Variants in BRCA2 observed in about 807,000 individuals in gnomAD.
BRCA2 encodes breast cancer type 2 susceptibility protein.
A neutral mutation model predicts 276.7 loss-of-function variants in BRCA2; 203 were observed. That is an observed-to-expected ratio of 0.73 (90% CI 0.65 to 0.82). The LOEUF is 0.82. Among genes scored for constraint, BRCA2 ranks in the 40% least tolerant of loss-of-function variants. The pLI is 0.00. For missense variants in BRCA2, 3,920 were observed against 3,915.0 expected (o/e 1.00, Z -0.03); for synonymous variants, 1,289 against 1,338.4 (o/e 0.96, Z 0.81).
In BRCA2 at chr13:32,336,946, A is replaced by T. The variant is rs876659547; in HGVS notation, c.2591A>T (p.Gln864Leu). 1.9e-6 allele frequency: 3 copies of T among 1,588,782 alleles called. No individual in the cohort carries two copies. Among genetic ancestry groups the T allele is most frequent in the Non-Finnish European group, 2.6e-6 (3 of 1,173,730 alleles). The change falls in exon 11 of 27, where the codon CAA becomes CTA. Residue 864 changes from glutamine (Q) to leucine (L), a missense_variant. By Grantham distance (113) the Gln-to-Leu change is moderately radical (BLOSUM62 -2). Coordinates refer to ENST00000380152, the MANE Select transcript of BRCA2 (RefSeq NM_000059.4). Reference sequence around the variant, plus strand: ...AATCTAAGAGTAATCCAAAAAAATCAAGAAGAAACTACTTCAATTTCAAAA... The same window carrying T: ...AATCTAAGAGTAATCCAAAAAAATCTAGAAGAAACTACTTCAATTTCAAAA... ...NTNLRVIQKN[Q>L]EETTSISKIT...
intron 7 of BRCA2, 88 bp from the exon 8 acceptor site, chr13:32,329,355 T>C: frequency 1.2e-6 from 1 of 860,186 alleles, no homozygotes; most frequent in Admixed American, 2.2e-5. Flanking sequence ...TGTAATCAAA[T>C]AGTAGATGTG....
Position 32,335,965 on chromosome 13 carries a change from T to C in BRCA2, c.1910-300T>C, listed in dbSNP as rs78579727. On this transcript the variant is annotated intron_variant, in intron 10 of 26. Transcript: ENST00000380152. ...AGTGTGATCTCAGCTCACCGTAGCC[T>C]CACCCTCCTGGGCTCAAGCAGTCCT... Among the ~76,000 whole-genome samples the C allele has an allele frequency of 6.0e-3, 908 of 152,276 alleles. 9 individuals are homozygous for C. The highest frequency in any genetic ancestry group is 0.021 in the African/African-American group (877 of 41,530).
Position 32,338,043 on chromosome 13 carries a change from T to C in BRCA2, c.3688T>C (p.Ser1230Pro), listed in dbSNP as rs876659979. Residue 1230 changes from serine to proline, a missense_variant, in exon 11 of 27, where the codon TCT (serine) becomes CCT (proline). By Grantham distance (74) the Ser-to-Pro change is moderately conservative (BLOSUM62 -1). Coordinates refer to ENST00000380152, the MANE Select transcript of BRCA2 (RefSeq NM_000059.4). The stretch of plus-strand genomic sequence containing the variant: ...TGCTCATGGCACAAAACTGAATGTT[T>C]CTACTGAAGCTCTGCAAAAAGCTGT... ...YSAHGTKLNV[S>P]TEALQKAVKL... The C allele has an allele frequency of 6.2e-7, 1 of 1,611,938 alleles. No individual in the cohort carries two copies. Among genetic ancestry groups the C allele is most frequent in the Non-Finnish European group, 8.5e-7 (1 of 1,178,968 alleles).
Position 32,332,195 on chromosome 13 carries a change from A to G in BRCA2, c.794-77A>G, listed in dbSNP as rs904905240. ...AGCACATTCTACATAAACTGTTTCT[A>G]TGAGAAAGGTTGTGAGAATAATATA... On this transcript the variant is annotated intron_variant, in intron 9 of 26. Coordinates refer to ENST00000380152, the MANE Select transcript of BRCA2 (RefSeq NM_000059.4). 3.7e-6 allele frequency: 5 copies of G among 1,346,352 alleles called. No individual in the cohort carries two copies. In the Admixed American group the frequency reaches 6.8e-5, roughly 18 times the overall value. The allele number at this position is 1,346,352 out of a possible 1,614,324, so 83.4% of individuals were successfully genotyped here.
At chr13:32,387,377 G>T (rs2072967726) in intron 24 of BRCA2, among the ~76,000 whole-genome samples, 1 of 152,180 alleles carries the variant, frequency 6.6e-6, no homozygotes, top group African/African-American at 2.4e-5. Flanking sequence ...AGGGTGAGGT[G>T]CTGAAGGGAC....
Position 32,368,866 on chromosome 13 carries a change from A to G in BRCA2, c.8332-1536A>G, listed in dbSNP as rs1593929094. ...TGCTCTGTTGCCCAGGCTAGAGTGC[A>G]GTGGTGCGATCTCGGCTCACTGCAA... On this transcript the variant is annotated intron_variant, in intron 18 of 26. Coordinates refer to ENST00000380152, the MANE Select transcript of BRCA2 (RefSeq NM_000059.4). Among the ~76,000 whole-genome samples, 3 of 149,116 alleles carry G rather than the reference A, an allele frequency of 2.0e-5. No individual in the cohort carries two copies. The East Asian group carries it at 6.0e-4, about 30-fold the overall frequency.
intron 18 of BRCA2, among the ~76,000 whole-genome samples, chr13:32,369,926 A>C (rs2072815821): frequency 6.6e-6 from 1 of 152,224 alleles, no homozygotes; most frequent in Non-Finnish European, 1.5e-5. Context: ...CAGGTACCTT[A>C]GTAAGTGTTC....
At chr13:32,351,121 G>A (rs1235229629) in intron 13 of BRCA2, among the ~76,000 whole-genome samples, 2 of 152,204 alleles carry the variant, frequency 1.3e-5, no homozygotes, top group Non-Finnish European at 2.9e-5. Context: ...GCAGCCGCTC[G>A]GCTCCACTTC....
At position 32,316,451 on chromosome 13, in the gene BRCA2, G is replaced by C. The variant is rs754814638; in HGVS notation, c.-10G>C. The stretch of plus-strand genomic sequence containing the variant: ...ATTTACCAAGCATTGGAGGAATATC[G>C]TAGGTAAAAATGCCTATTGGATCCA... On this transcript the variant is annotated 5_prime_UTR_variant, in exon 2 of 27. Coordinates refer to ENST00000380152, the MANE Select transcript of BRCA2 (RefSeq NM_000059.4). 1.2e-5 allele frequency: 20 copies of C among 1,611,392 alleles called. No homozygotes were observed. In the South Asian group the frequency reaches 2.2e-4, roughly 18 times the overall value.
At chr13:32,345,825 A>G (rs1023449173) in intron 12 of BRCA2, among the ~76,000 whole-genome samples, 7 of 152,030 alleles carry the variant, frequency 4.6e-5, no homozygotes, top group Admixed American at 3.3e-4. Context: ...CCATCACATG[A>G]GGTCAGATGT....
At chr13:32,386,942 A>T (rs889855639) in intron 24 of BRCA2, among the ~76,000 whole-genome samples, 1 of 152,188 alleles carries the variant, frequency 6.6e-6, no homozygotes, top group African/African-American at 2.4e-5. Context: ...TGGCAGGGTT[A>T]ATTCCTTCTG....
intron 7 of BRCA2, among the ~76,000 whole-genome samples, chr13:32,329,089 C>G (rs1400115995): frequency 6.6e-6 from 1 of 152,042 alleles, no homozygotes; most frequent in African/African-American, 2.4e-5. Flanking sequence ...ATATAGTATG[C>G]CTTTAGGCTG....
rs431825343 is a variant in BRCA2, at chr13:32,340,956, TC to T, written c.6602del (p.Ser2201LeufsTer5). On this transcript the variant is annotated frameshift_variant, in exon 11 of 27. Coordinates refer to ENST00000380152, the MANE Select transcript of BRCA2 (RefSeq NM_000059.4). LOFTEE classifies it high-confidence loss of function. ...KMEIGKTETF[S>X]DVPVKTNIEV... Reference sequence around the variant, plus strand: ...GGAAATTGGTAAAACTGAAACTTTTTCTGATGTTCCTGTGAAAACAAATATA... The same window carrying T: ...GGAAATTGGTAAAACTGAAACTTTTTTGATGTTCCTGTGAAAACAAATATA... 3 of 1,609,176 alleles carry T rather than the reference TC, an allele frequency of 1.9e-6. No individual in the cohort carries two copies. The highest frequency in any genetic ancestry group is 1.7e-6 in the Non-Finnish European group (2 of 1,178,848).
Position 32,336,705 on chromosome 13 carries a change from A to G in BRCA2, c.2350A>G (p.Met784Val), listed in dbSNP as rs11571653. Reference sequence around the variant, plus strand: ...CAAGGATGTTCTGTCAAACCTAGTCATGATTTCTAGAGGCAAAGAATCATA... The same window carrying G: ...CAAGGATGTTCTGTCAAACCTAGTCGTGATTTCTAGAGGCAAAGAATCATA... ...TSKDVLSNLV[M>V]ISRGKESYKM... The change falls in exon 11 of 27, where the codon ATG (methionine) becomes GTG (valine). Residue 784 changes from methionine (M) to valine (V), a missense_variant. Physicochemically the swap from Met to Val is conservative, Grantham distance 21. Transcript: ENST00000380152. 1.4e-3 allele frequency: 2,191 copies of G among 1,614,048 alleles called. 117 individuals are homozygous for G. The East Asian group carries it at 0.048, about 36-fold the overall frequency.
chr13:32,358,523 G>A (rs2137569330), intron 16 of BRCA2, among the ~76,000 whole-genome samples: 1 of 151,894 alleles, frequency 6.6e-6, no homozygotes, highest in Middle Eastern at 3.4e-3. Flanking sequence ...CAGACATGGT[G>A]GCTCATGCCT....
chr13:32,319,864 G>A (rs2072294950), intron 3 of BRCA2, among the ~76,000 whole-genome samples: 1 of 152,158 alleles, frequency 6.6e-6, no homozygotes, highest in African/African-American at 2.4e-5. Context: ...GGAATAAAGA[G>A]TACACAGATA....
Position 32,339,006 on chromosome 13 carries a change from C to G in BRCA2, c.4651C>G (p.Gln1551Glu), listed in dbSNP as rs876661062. 1.2e-6 allele frequency: 2 copies of G among 1,613,686 alleles called. No individual in the cohort carries two copies. Among genetic ancestry groups the G allele is most frequent in the Non-Finnish European group, 1.7e-6 (2 of 1,179,878 alleles). Residue 1551 changes from glutamine (Q) to glutamate (E), a missense_variant, in exon 11 of 27, where the codon CAA becomes GAA. Transcript: ENST00000380152. ...KVKNLFDEKE[Q>E]GTSEITSFSH... ...GAAAAACCTTTTTGATGAAAAAGAGCAAGGTACTAGTGAAATCACCAGTTT... is the reference window on the plus strand; with the variant it reads ...GAAAAACCTTTTTGATGAAAAAGAGGAAGGTACTAGTGAAATCACCAGTTT...
intron 9 of BRCA2, among the ~76,000 whole-genome samples, chr13:32,331,799 G>C (rs2072393439): frequency 6.6e-6 from 1 of 151,702 alleles, no homozygotes; most frequent in Non-Finnish European, 1.5e-5. Context: ...ATTTTTCTTA[G>C]TATGTGTGTA....
intron 25 of BRCA2, among the ~76,000 whole-genome samples, chr13:32,395,508 G>GT (rs1490545723): frequency 2.0e-5 from 3 of 152,120 alleles, no homozygotes; most frequent in Admixed American, 6.6e-5. Context: ...ACCTTATGAG[G>GT]TAGGGAACTG....
Sources: gnomAD v4.1 joint callset for allele counts (sites outside exome capture counted in the v4.1 genomes callset) on GRCh38, gnomAD v4.1.1 for gene constraint, MANE v1.5 for transcripts, NCBI Gene and HGNC (gene_info 2026-07-23, HGNC 2026-07-21) for gene names.